The following PRKCZ variants were observed in gnomAD, a reference collection of about 807,000 sequenced individuals.
The protein encoded by PRKCZ is protein kinase C zeta.
In PRKCZ, 33 loss-of-function variants were observed where a neutral mutation model predicts 79.5. The ratio of observed to expected loss-of-function variants is 0.41; its 90% CI spans 0.31 to 0.55. The LOEUF is 0.55. Ranked by LOEUF, PRKCZ falls within the 20% of genes least tolerant of loss-of-function variation. The pLI, the probability that PRKCZ is intolerant of heterozygous loss-of-function variation, is 0.19. For synonymous variants in PRKCZ, 342 were observed against 320.9 expected, an observed-to-expected ratio of 1.07 and a Z score of -0.70; for missense variants, 578 against 813.5, an observed-to-expected ratio of 0.71 and a Z score of 3.52.
Position 2,172,387 on chromosome 1 carries a change from C to T in PRKCZ, c.1284C>T (p.Tyr428=), listed in dbSNP as rs770522318. ...CCGAAATCCTGCGGGGAGAGGAGTA[C>T]GGTGAGTGCCGCTGCCCTGGCCCCT... ...IAPEILRGEE[Y]GFSVDWWALG... Residue 428 remains tyrosine (Y), a splice_region_variant and synonymous_variant, in exon 13 of 18, where the codon TAC becomes TAT. Transcript: ENST00000378567. The surrounding 1 kb of genome is among the most constrained non-coding windows in gnomAD (Gnocchi z 7.8). 21 of 1,611,458 alleles carry T rather than the reference C, an allele frequency of 1.3e-5. No individual in the cohort carries two copies. The highest frequency in any genetic ancestry group is 1.1e-4 in the East Asian group (5 of 44,820).
rs1260431418 is a variant in PRKCZ at position 2,184,608 on chromosome 1, C to A, written c.1601C>A (p.Pro534Gln). The part of the protein sequence containing the change: ...DLLEKKQALP[P>Q]FQPQITDDYG... Reference sequence around the variant, plus strand: ...CTGGAGAAGAAGCAGGCGCTCCCTCCATTCCAGCCACAGATCACAGACGAC... The same window carrying A: ...CTGGAGAAGAAGCAGGCGCTCCCTCAATTCCAGCCACAGATCACAGACGAC... The change falls in exon 17 of 18, where the codon CCA (proline) becomes CAA (glutamine). Residue 534 changes from proline (P) to glutamine (Q), a missense_variant. Physicochemically the swap from Pro to Gln is moderately conservative, Grantham distance 76 (BLOSUM62 -1). Around this residue, in one of 4 missense-constraint regions of PRKCZ, gnomAD observed 243 missense variants for 467.0 expected, o/e 0.52. Coordinates refer to ENST00000378567, the MANE Select transcript of PRKCZ (RefSeq NM_002744.6). 1 of 1,613,910 alleles carries A rather than the reference C, an allele frequency of 6.2e-7. No individual in the cohort carries two copies. The highest frequency in any genetic ancestry group is 1.3e-5 in the African/African-American group (1 of 74,944).
At chr1:2,176,206 G>A (rs1012015785) in intron 16 of PRKCZ, among the ~76,000 whole-genome samples, 5 of 152,182 alleles carry the variant, frequency 3.3e-5, no homozygotes, top group African/African-American at 1.2e-4. Flanking sequence ...GATGAGGGGC[G>A]GTGACTGCAG....
intron 4 of PRKCZ, among the ~76,000 whole-genome samples, chr1:2,102,770 T>C (rs1667716430): frequency 6.6e-6 from 1 of 152,202 alleles, no homozygotes; most frequent in Non-Finnish European, 1.5e-5. Context: ...CCAACTCTCC[T>C]GCGTCACGGA....
chr1:2,143,110 G>A (rs1297777965), intron 5 of PRKCZ: 1 of 145,576 alleles, frequency 6.9e-6, no homozygotes, highest in Non-Finnish European at 1.5e-5. Context: ...CTCACTGCAA[G>A]CTCCGCCTCC....
intron 9 of PRKCZ, among the ~76,000 whole-genome samples, chr1:2,154,861 G>C (rs950570510): frequency 3.9e-5 from 6 of 152,170 alleles, no homozygotes; most frequent in Non-Finnish European, 8.8e-5. Context: ...GAATTGGGAG[G>C]GTGACAGTCC....
intron 9 of PRKCZ, among the ~76,000 whole-genome samples, chr1:2,155,160 T>C (rs1402772452): frequency 6.6e-6 from 1 of 151,874 alleles, no homozygotes; most frequent in Non-Finnish European, 1.5e-5. Flanking sequence ...GTGATGATGG[T>C]GAGGTAGTGG....
At position 2,174,402 on chromosome 1, in the gene PRKCZ, G is replaced by T. The variant is rs573777730; in HGVS notation, c.1406-352G>T. Among the ~76,000 whole-genome samples, 1 of 152,310 alleles carries T rather than the reference G, an allele frequency of 6.6e-6. No individual in the cohort carries two copies. The highest frequency in any genetic ancestry group is 2.4e-5 in the African/African-American group (1 of 41,576). The stretch of plus-strand genomic sequence containing the variant: ...CCTGGAGGCCCCGGGACCTGCTCCT[G>T]GTCTGGAATTCAGTGCTGTGGGGAT... On this transcript the variant is annotated intron_variant, in intron 14 of 17. Coordinates refer to ENST00000378567, the MANE Select transcript of PRKCZ (RefSeq NM_002744.6). This position sits in a 1 kb window ranked among gnomAD's most constrained non-coding sequence, Gnocchi z 6.2.
intron 4 of PRKCZ, among the ~76,000 whole-genome samples, chr1:2,063,269 G>C (rs1049133829): frequency 1.3e-5 from 2 of 152,196 alleles, no homozygotes; most frequent in African/African-American, 4.8e-5. Flanking sequence ...TCAGTTCTGG[G>C]TGTAGACCCG....
At chr1:2,133,059 G>C (rs1675314621) in intron 4 of PRKCZ, among the ~76,000 whole-genome samples, 1 of 152,226 alleles carries the variant, frequency 6.6e-6, no homozygotes, top group African/African-American at 2.4e-5. Context: ...TGTTCACCCT[G>C]CTGGAGGCTC....
intron 4 of PRKCZ, among the ~76,000 whole-genome samples, chr1:2,069,073 AG>A (rs1661351867): frequency 6.6e-6 from 1 of 152,158 alleles, no homozygotes; most frequent in African/African-American, 2.4e-5. Context: ...CCACCCCGCC[AG>A]CCACATCTTG....
intron 4 of PRKCZ, among the ~76,000 whole-genome samples, chr1:2,084,408 G>A (rs990994333): frequency 2.0e-5 from 3 of 152,200 alleles, no homozygotes; most frequent in Admixed American, 6.5e-5. Flanking sequence ...TTGCACTCGC[G>A]GCTCCCCTGC....
chr1:2,174,658 G>C lies in PRKCZ; in HGVS notation c.1406-96G>C, dbSNP rs1251240126. On this transcript the variant is annotated intron_variant, in intron 14 of 17. Coordinates refer to ENST00000378567, the MANE Select transcript of PRKCZ (RefSeq NM_002744.6). The surrounding 1 kb of genome is among the most constrained non-coding windows in gnomAD (Gnocchi z 6.2). Reference sequence around the variant, plus strand: ...GGAGGGGCTCCGGGGCCCCAAGGCTGAGCTCCCAAAGCTCTTGCTCAGAGT... The same window carrying C: ...GGAGGGGCTCCGGGGCCCCAAGGCTCAGCTCCCAAAGCTCTTGCTCAGAGT... 1 of 1,336,632 alleles carries C rather than the reference G, an allele frequency of 7.5e-7. No homozygotes were observed. The highest frequency in any genetic ancestry group is 1.5e-5 in the African/African-American group (1 of 67,956). The allele number at this position is 1,336,632 out of a possible 1,614,324, so 82.8% of individuals were successfully genotyped here.
rs765483817 is a variant in PRKCZ, at chr1:2,165,928, G to A, written c.975-3590G>A. ...CCCCGGCCGCCCCCTAGGAGGTTTC[G>A]TGAGCTTCCAGCATCCCCCTGCGGC... On this transcript the variant is annotated intron_variant, in intron 10 of 17. Transcript: ENST00000378567. This position sits in a 1 kb window ranked among gnomAD's most constrained non-coding sequence, Gnocchi z 4.1. Among the ~76,000 whole-genome samples, 1 of 152,122 alleles carries A rather than the reference G, an allele frequency of 6.6e-6. No individual in the cohort carries two copies. Among genetic ancestry groups the A allele is most frequent in the African/African-American group, 2.4e-5 (1 of 41,422 alleles).
chr1:2,184,666 C>T lies in PRKCZ; in HGVS notation c.1659C>T (p.Thr553=), dbSNP rs778791618. The T allele has an allele frequency of 4.3e-6, 7 of 1,613,848 alleles. No homozygotes were observed. Among genetic ancestry groups the T allele is most frequent in the East Asian group, 2.2e-5 (1 of 44,894 alleles). ...TGGACAACTTTGACACACAGTTCAC[C>T]AGCGAGCCCGTGCAGCTGACCCCAG... ...YGLDNFDTQF[T]SEPVQLTPDD... is the part of the protein sequence containing the mutation. Residue 553 remains threonine (T), a synonymous_variant, in exon 17 of 18, where the codon ACC becomes ACT. Coordinates refer to ENST00000378567, the MANE Select transcript of PRKCZ (RefSeq NM_002744.6).
intron 4 of PRKCZ, among the ~76,000 whole-genome samples, chr1:2,124,612 A>C (rs1441027418): frequency 6.6e-6 from 1 of 152,034 alleles, no homozygotes; most frequent in Non-Finnish European, 1.5e-5. Flanking sequence ...AACATGAGAA[A>C]GTCAATGCCT....
At chr1:2,184,766 G>T (rs1687311217) in intron 17 of PRKCZ, 68 bp downstream of exon 17, 14 of 1,495,462 alleles carry the variant, frequency 9.4e-6, no homozygotes, top group Non-Finnish European at 1.3e-5. Context: ...CGGCACCTTG[G>T]GCAGCTGGTG....
intron 10 of PRKCZ, among the ~76,000 whole-genome samples, chr1:2,157,696 G>C (rs1056295287): frequency 6.7e-6 from 1 of 149,700 alleles, no homozygotes; most frequent in African/African-American, 2.5e-5. Context: ...ATGAGTGACT[G>C]AGCCCCGCCT....
chr1:2,089,342 G>T (rs1389005287), intron 4 of PRKCZ, among the ~76,000 whole-genome samples: 1 of 152,220 alleles, frequency 6.6e-6, no homozygotes, highest in Non-Finnish European at 1.5e-5. Flanking sequence ...GAGGGTCGGG[G>T]TTGGGGACAG....
chr1:2,064,951 C>T (rs950636173), intron 4 of PRKCZ, among the ~76,000 whole-genome samples: 1 of 152,216 alleles, frequency 6.6e-6, no homozygotes. Context: ...GTGCTGACAT[C>T]TTAACAGTAT....
Sources: allele counts gnomAD v4.1 joint callset (sites outside exome capture counted in the v4.1 genomes callset), GRCh38; gene constraint gnomAD v4.1.1; regional missense constraint gnomAD v4.1.1; non-coding constraint Gnocchi (gnomAD v3.1); transcripts MANE v1.5; gene names NCBI Gene and HGNC (gene_info 2026-07-23, HGNC 2026-07-21).